Variants in NTSR1 observed in about 807,000 individuals in gnomAD.
NTSR1 encodes the protein neurotensin receptor type 1.
Under a neutral mutation model 31.2 loss-of-function variants are expected in NTSR1, and 29 were observed. The observed-to-expected ratio is 0.93, with a 90% CI of 0.69 to 1.27. The LOEUF (loss-of-function observed/expected upper bound fraction) is 1.27. NTSR1 is among the 50% of genes most tolerant of loss of function. NTSR1 has a pLI of 0.00. For missense variants in NTSR1, 697 were observed against 595.4 expected (o/e 1.17, Z -1.78); for synonymous variants, 282 against 269.9 (o/e 1.04, Z -0.44).
chr20:62,750,006 C>G (rs1004312550), intron 1 of NTSR1, among the ~76,000 whole-genome samples: 1 of 152,194 alleles, frequency 6.6e-6, no homozygotes, highest in African/African-American at 2.4e-5. Context: ...AGCCCCTGTC[C>G]GCTGCGGCAC....
At chr20:62,737,130 G>A (rs1989110042) in intron 1 of NTSR1, among the ~76,000 whole-genome samples, 1 of 152,198 alleles carries the variant, frequency 6.6e-6, no homozygotes, top group Non-Finnish European at 1.5e-5. Context: ...ACTTGGCCTG[G>A]GCCCAGTCTT....
chr20:62,729,123 G>T (rs1022159546), intron 1 of NTSR1, among the ~76,000 whole-genome samples: 12 of 152,202 alleles, frequency 7.9e-5, no homozygotes, highest in Admixed American at 7.8e-4. Context: ...CTTACTCACG[G>T]CATGTCCCAA....
chr20:62,717,740 C>A (rs1178996145), intron 1 of NTSR1, among the ~76,000 whole-genome samples: 1 of 152,192 alleles, frequency 6.6e-6, no homozygotes, highest in Non-Finnish European at 1.5e-5. Context: ...TCCTTCCTTC[C>A]TTCATTCACT....
chr20:62,734,563 G>C (rs1989053702), intron 1 of NTSR1, among the ~76,000 whole-genome samples: 1 of 152,216 alleles, frequency 6.6e-6, no homozygotes, highest in Admixed American at 6.5e-5. Context: ...ACCACCCCTG[G>C]GGAGCGAGGA....
At chr20:62,739,811 T>C (rs1989170021) in intron 1 of NTSR1, among the ~76,000 whole-genome samples, 1 of 152,226 alleles carries the variant, frequency 6.6e-6, no homozygotes, top group Non-Finnish European at 1.5e-5. Context: ...ACCGTGGGGC[T>C]GGAGGTGCAG....
chr20:62,744,073 C>A lies in NTSR1; in HGVS notation c.715-10612C>A, dbSNP rs998194531. On this transcript the variant is annotated intron_variant, in intron 1 of 3. Coordinates refer to ENST00000370501, the MANE Select transcript of NTSR1 (RefSeq NM_002531.3). This position sits in a 1 kb window ranked among gnomAD's most constrained non-coding sequence, Gnocchi z 4.1. ...GTCCTCCCCATCAAAATTACACATG[C>A]GAGGGGGCAGAGGCCAGGCTGTCCC... Among the ~76,000 whole-genome samples the A allele has an allele frequency of 5.3e-5, 8 of 152,192 alleles. No individual in the cohort carries two copies. Among genetic ancestry groups the A allele is most frequent in the Non-Finnish European group, 1.0e-4 (7 of 68,032 alleles).
intron 1 of NTSR1, among the ~76,000 whole-genome samples, chr20:62,718,801 C>T (rs572037919): frequency 5.7e-4 from 87 of 152,054 alleles, no homozygotes; most frequent in African/African-American, 1.9e-3. Flanking sequence ...TGGGTTTGGG[C>T]GATTATGAAT....
rs73918667 is a variant in NTSR1 at position 62,739,927 on chromosome 20, G to A, written c.715-14758G>A. The stretch of plus-strand genomic sequence containing the variant: ...TTGCTCTTTTCCAAATCTGTGCTCT[G>A]ACATGGAAAGTTAAGTCGTGCTGGG... On this transcript the variant is annotated intron_variant, in intron 1 of 3. Coordinates refer to ENST00000370501, the MANE Select transcript of NTSR1 (RefSeq NM_002531.3). Among the ~76,000 whole-genome samples, 1,371 of 152,370 alleles carry A rather than the reference G, an allele frequency of 9.0e-3. 26 individuals are homozygous for A. Among genetic ancestry groups the A allele is most frequent in the African/African-American group, 0.031 (1,304 of 41,586 alleles).
At position 62,715,573 on chromosome 20, in the gene NTSR1, C is replaced by T. The variant is rs1316037091; in HGVS notation, c.714+5652C>T. 1.3e-5 allele frequency among the ~76,000 whole-genome samples: 2 copies of T among 152,218 alleles called. No homozygotes were observed. The highest frequency in any genetic ancestry group is 3.9e-4 in the East Asian group (2 of 5,194). ...CTGGGCTTGGAGTCCTCGAGAGTGA[C>T]TTGGCCCAGAGTGGTTCAGGCTCAC... On this transcript the variant is annotated intron_variant, in intron 1 of 3. Transcript: ENST00000370501. The surrounding 1 kb of genome is among the most constrained non-coding windows in gnomAD (Gnocchi z 4.7).
chr20:62,747,223 G>A (rs1236766758), intron 1 of NTSR1, among the ~76,000 whole-genome samples: 1 of 152,164 alleles, frequency 6.6e-6, no homozygotes. Context: ...AACAAACTGG[G>A]TGTTGAATGC....
At chr20:62,710,775 C>G (rs898471992) in intron 1 of NTSR1, among the ~76,000 whole-genome samples, 12 of 152,116 alleles carry the variant, frequency 7.9e-5, no homozygotes, top group African/African-American at 2.9e-4. Context: ...AAGCCCCGAG[C>G]AGGAGGCTGG....
Position 62,762,670 on chromosome 20 carries a change from C to T in NTSR1, c.*2403C>T, listed in dbSNP as rs1300985000. ...AGCCGGCCCCTGGTGACGGCACAGC[C>T]CTCACAGCTCAAACGCCCACCCCCA... On this transcript the variant is annotated 3_prime_UTR_variant, in exon 4 of 4. Transcript: ENST00000370501. 1 of 152,126 alleles carries T rather than the reference C, an allele frequency of 6.6e-6. No individual in the cohort carries two copies. Among genetic ancestry groups the T allele is most frequent in the Non-Finnish European group, 1.5e-5 (1 of 68,026 alleles). 9.4% of individuals were successfully genotyped at this position (152,126 alleles called of 1,614,324 possible). A position where few individuals can be genotyped will look rare whatever the true frequency, so the allele number is the denominator to read the frequency against.
At chr20:62,752,420 A>G (rs1989409016) in intron 1 of NTSR1, among the ~76,000 whole-genome samples, 1 of 147,046 alleles carries the variant, frequency 6.8e-6, no homozygotes, top group Non-Finnish European at 1.5e-5. Flanking sequence ...TCACCCCCCA[A>G]TCCTACTCGG....
At position 62,745,416 on chromosome 20, in the gene NTSR1, CAG is replaced by C. The variant is rs1389285917; in HGVS notation, c.715-9267_715-9266del. On this transcript the variant is annotated intron_variant, in intron 1 of 3. Coordinates refer to ENST00000370501, the MANE Select transcript of NTSR1 (RefSeq NM_002531.3). The surrounding 1 kb of genome is among the most constrained non-coding windows in gnomAD (Gnocchi z 4.1). ...AGATAGAGACACAGACTCAGGAAAA[CAG>C]ACAGAGAGAGACACAGGAGAACAGA... Among the ~76,000 whole-genome samples, 2 of 150,864 alleles carry C rather than the reference CAG, an allele frequency of 1.3e-5. No individual in the cohort carries two copies. Among genetic ancestry groups the C allele is most frequent in the Non-Finnish European group, 3.0e-5 (2 of 67,684 alleles).
intron 1 of NTSR1, among the ~76,000 whole-genome samples, chr20:62,716,615 G>GTTGGTTGTGGTT (rs1555810232): frequency 2.0e-4 from 30 of 151,984 alleles, no homozygotes; most frequent in South Asian, 4.2e-4. Flanking sequence ...GTGAGTCTGT[G>GTTGGTTGTGGTT]AAAAACAACA....
intron 1 of NTSR1, among the ~76,000 whole-genome samples, chr20:62,712,082 T>A (rs368918221): frequency 1.6e-4 from 24 of 152,320 alleles, no homozygotes; most frequent in African/African-American, 5.8e-4. Context: ...CCTGGGGCTT[T>A]CCAGGGCCCC....
chr20:62,756,952 TGA>T (rs1989523915), intron 2 of NTSR1, among the ~76,000 whole-genome samples: 1 of 152,270 alleles, frequency 6.6e-6, no homozygotes, highest in South Asian at 2.1e-4. Flanking sequence ...GTTTTCATGT[TGA>T]GTTTTAGGAG....
Position 62,719,875 on chromosome 20 carries a change from T to C in NTSR1, c.714+9954T>C, listed in dbSNP as rs112481481. The stretch of plus-strand genomic sequence containing the variant: ...GGCCTCATAACATGAGCTGGGAGGT[T>C]CTTGTTCCTTTTGTGTTTTCTGTCA... On this transcript the variant is annotated intron_variant, in intron 1 of 3. Transcript: ENST00000370501. 3.1e-3 allele frequency among the ~76,000 whole-genome samples: 471 copies of C among 152,360 alleles called. 5 individuals carry two copies. The highest frequency in any genetic ancestry group is 0.011 in the African/African-American group (445 of 41,590).
At chr20:62,748,753 G>T (rs368352196) in intron 1 of NTSR1, among the ~76,000 whole-genome samples, 15 of 152,066 alleles carry the variant, frequency 9.9e-5, no homozygotes, top group African/African-American at 3.6e-4. Context: ...GTGAGGACTG[G>T]ACCCTCATGA....
Sources: gnomAD v4.1 joint callset for allele counts (sites outside exome capture counted in the v4.1 genomes callset) on GRCh38, gnomAD v4.1.1 for gene constraint, Gnocchi (gnomAD v3.1) non-coding constraint, MANE v1.5 for transcripts, NCBI Gene and HGNC (gene_info 2026-07-23, HGNC 2026-07-21) for gene names.